Variants in KTN1 observed in about 807,000 individuals in gnomAD.
The protein encoded by KTN1 is kinectin.
Under a neutral mutation model 222.5 loss-of-function variants are expected in KTN1, and 130 were observed. The ratio of observed to expected loss-of-function variants is 0.58; its 90% CI spans 0.51 to 0.68. The LOEUF is 0.68. Among genes scored for constraint, KTN1 ranks in the 30% least tolerant of loss-of-function variants. The probability of loss-of-function intolerance (pLI) is 0.00; values close to 1 mark genes in which losing one functional copy is unlikely to be tolerated. For missense variants in KTN1, 1,508 were observed against 1,500.4 expected, an observed-to-expected ratio of 1.01 and a Z score of -0.08; for synonymous variants, 512 against 496.3, an observed-to-expected ratio of 1.03 and a Z score of -0.42.
chr14:55,670,704 T>C (rs771363469), intron 34 of KTN1, 25 bp from the exon 35 acceptor site: 58 of 1,515,552 alleles, frequency 3.8e-5, no homozygotes, highest in Non-Finnish European at 4.9e-5. Context: ...TGGAAATTAA[T>C]GATTTTAACT....
At chr14:55,630,168 A>C in intron 7 of KTN1, 71 bp downstream of exon 7, 1 of 1,320,248 alleles carries the variant, frequency 7.6e-7, no homozygotes, top group Non-Finnish European at 1.1e-6. Context: ...TTAAGTGGCT[A>C]GTATGTACAA....
At chr14:55,580,868 C>T (rs1437094102) in intron 1 of KTN1, among the ~76,000 whole-genome samples, 1 of 152,182 alleles carries the variant, frequency 6.6e-6, no homozygotes, top group Non-Finnish European at 1.5e-5. Context: ...TTCCAGTCCT[C>T]GCCGCTGCCT....
intron 2 of KTN1, 69 bp downstream of exon 2, chr14:55,612,640 T>C: frequency 8.0e-7 from 1 of 1,245,818 alleles, no homozygotes; most frequent in Admixed American, 2.5e-5. Context: ...GATATTCTGT[T>C]AGGTACATAC....
intron 32 of KTN1, 150 bp downstream of exon 32, chr14:55,661,762 G>T: frequency 4.6e-6 from 2 of 434,824 alleles, no homozygotes; most frequent in East Asian, 3.6e-5. Flanking sequence ...TTTTCGGGGG[G>T]CGGGGCATTA....
intron 18 of KTN1, among the ~76,000 whole-genome samples, chr14:55,642,695 T>C (rs777790752): frequency 1.3e-5 from 2 of 152,204 alleles, no homozygotes; most frequent in African/African-American, 4.8e-5. Flanking sequence ...TATGCAGATA[T>C]TGAGCTGGTG....
intron 41 of KTN1, among the ~76,000 whole-genome samples, chr14:55,677,279 C>A (rs1310438225): frequency 9.2e-5 from 14 of 151,992 alleles, no homozygotes; most frequent in Admixed American, 9.2e-4. Context: ...AGTTCAAGAC[C>A]AGCCTGGCCA....
intron 24 of KTN1, 97 bp downstream of exon 24, chr14:55,650,734 G>T (rs780725709): frequency 6.7e-5 from 56 of 832,202 alleles, no homozygotes; most frequent in Non-Finnish European, 1.1e-4. Flanking sequence ...AACTTAGTAT[G>T]CTGTAGGTAT....
intron 31 of KTN1, among the ~76,000 whole-genome samples, chr14:55,660,478 A>G (rs1013966152): frequency 1.3e-5 from 2 of 150,340 alleles, no homozygotes; most frequent in African/African-American, 4.9e-5. Context: ...ATTTCACATA[A>G]GTTAGTGTGT....
chr14:55,604,509 A>G, intron 1 of KTN1, among the ~76,000 whole-genome samples: 1 of 152,156 alleles, frequency 6.6e-6, no homozygotes, highest in East Asian at 1.9e-4. Flanking sequence ...AAATTTAATG[A>G]CTGTCCACAT....
Position 55,641,681 on chromosome 14 carries a change from C to CT in KTN1, c.2104-8dup, listed in dbSNP as rs778658999. ...CTTAATAAAACAGTAAATTGAGACT[C>CT]TTTCTTCCAGATTCTAAATGACCAA... On this transcript the variant is annotated splice_polypyrimidine_tract_variant and intron_variant, in intron 17 of 43. Transcript: ENST00000395314. The CT allele has an allele frequency of 6.5e-7, 1 of 1,549,226 alleles. No individual in the cohort carries two copies. The highest frequency in any genetic ancestry group is 8.9e-7 in the Non-Finnish European group (1 of 1,121,614).
intron 5 of KTN1, among the ~76,000 whole-genome samples, chr14:55,626,811 A>G (rs1227364952): frequency 6.6e-6 from 1 of 151,684 alleles, no homozygotes; most frequent in Admixed American, 6.6e-5. Context: ...CTCACTGGCT[A>G]GTTGCTCCCT....
At chr14:55,629,901 A>C (rs999654425) in intron 6 of KTN1, 56 bp from the exon 7 acceptor site, 1 of 1,046,648 alleles carries the variant, frequency 9.6e-7, no homozygotes, top group African/African-American at 1.6e-5. Flanking sequence ...TCATTGTTGC[A>C]GGCTTATGAT....
intron 5 of KTN1, among the ~76,000 whole-genome samples, chr14:55,622,378 T>A (rs1020971721): frequency 1.3e-5 from 2 of 152,172 alleles, no homozygotes; most frequent in Admixed American, 6.5e-5. Context: ...AATGGCATAA[T>A]CACTGCTATG....
intron 6 of KTN1, 128 bp from the exon 7 acceptor site, chr14:55,629,829 C>A: frequency 1.4e-6 from 1 of 694,238 alleles, no homozygotes; most frequent in Non-Finnish European, 2.4e-6. Context: ...TTTTTTTAAG[C>A]AAGTACTTAA....
At chr14:55,672,082 G>T (rs2252189) in intron 37 of KTN1, 47 of 517,038 alleles carry the variant, frequency 9.1e-5, no homozygotes, top group Non-Finnish European at 1.4e-4. Flanking sequence ...TGGTTTTAAA[G>T]TATGACTAAA....
chr14:55,613,760 C>T (rs981687458), intron 2 of KTN1, among the ~76,000 whole-genome samples: 8 of 152,092 alleles, frequency 5.3e-5, no homozygotes, highest in African/African-American at 1.9e-4. Flanking sequence ...TGAGCCACCA[C>T]GCTTGACCCG....
intron 27 of KTN1, 96 bp from the exon 28 acceptor site, chr14:55,653,463 T>C (rs2043145746): frequency 4.5e-6 from 4 of 883,668 alleles, no homozygotes; most frequent in Admixed American, 4.6e-5. Context: ...AATTATGTTT[T>C]TGTTTTTATT....
chr14:55,646,124 T>C (rs1474024685), intron 18 of KTN1, among the ~76,000 whole-genome samples: 2 of 152,128 alleles, frequency 1.3e-5, no homozygotes, highest in Non-Finnish European at 2.9e-5. Context: ...TGGGGACTTG[T>C]GTGTGTACCA....
At chr14:55,634,476 T>C in intron 8 of KTN1, 50 bp from the exon 9 acceptor site, 1 of 1,506,372 alleles carries the variant, frequency 6.6e-7, no homozygotes, top group South Asian at 1.3e-5. Context: ...GTTTATTTCT[T>C]ATATATATTT....
Sources: allele counts gnomAD v4.1 joint callset (sites outside exome capture counted in the v4.1 genomes callset), GRCh38; gene constraint gnomAD v4.1.1; transcripts MANE v1.5; gene names NCBI Gene and HGNC (gene_info 2026-07-23, HGNC 2026-07-21).